ATG16L2: variants seen among roughly 807,000 people sequenced by gnomAD.
The protein encoded by ATG16L2 is autophagy related 16 like 2, also known as protein Atg16l2.
A neutral mutation model predicts 84.7 loss-of-function variants in ATG16L2; 77 were observed. That is an observed-to-expected ratio of 0.91 (90% CI 0.76 to 1.10). ATG16L2 has a LOEUF of 1.10. Among genes scored for constraint, ATG16L2 ranks in the 50% least tolerant of loss-of-function variants. The pLI, the probability that ATG16L2 is intolerant of heterozygous loss-of-function variation, is 0.00. For missense variants in ATG16L2, 782 were observed against 817.6 expected (o/e 0.96, Z 0.53); for synonymous variants, 361 against 342.8 (o/e 1.05, Z -0.59).
intron 2 of ATG16L2, among the ~76,000 whole-genome samples, 161 bp downstream of exon 2, chr11:72,816,988 A>G (rs1247350119): frequency 6.6e-6 from 1 of 152,088 alleles, no homozygotes; most frequent in Non-Finnish European, 1.5e-5. Context: ...TGGGGGAGGC[A>G]GGCCCTTGGC....
Position 72,826,559 on chromosome 11 carries a change from G to A in ATG16L2, c.1215G>A (p.Gln405=), listed in dbSNP as rs772451381. The part of the protein sequence containing the change: ...VLAATYNQAA[Q]LWKVGEAQSK... ...CAGCAACTTACAACCAGGCTGCCCAGCTCTGGAAGGTGGGGGAGGCACAGT... is the reference window on the plus strand; with the variant it reads ...CAGCAACTTACAACCAGGCTGCCCAACTCTGGAAGGTGGGGGAGGCACAGT... Residue 405 remains glutamine (Q), a synonymous_variant, in exon 12 of 18, where the codon CAG becomes CAA. Transcript: ENST00000321297. The A allele has an allele frequency of 6.2e-7, 1 of 1,614,178 alleles. No homozygotes were observed. Among genetic ancestry groups the A allele is most frequent in the South Asian group, 1.1e-5 (1 of 91,076 alleles).
At chr11:72,815,262 G>T (rs1283646326) in intron 1 of ATG16L2, among the ~76,000 whole-genome samples, 2 of 152,236 alleles carry the variant, frequency 1.3e-5, no homozygotes, top group African/African-American at 4.8e-5. Context: ...GCCTGCGATT[G>T]TATGTCTGTG....
chr11:72,819,213 C>T (rs1487564547), intron 3 of ATG16L2, among the ~76,000 whole-genome samples: 1 of 152,254 alleles, frequency 6.6e-6, no homozygotes, highest in East Asian at 1.9e-4. Context: ...TGCAGGGGCA[C>T]CTCTGACTCT....
downstream of ATG16L2, among the ~76,000 whole-genome samples, chr11:72,833,000 C>T (rs555503496): frequency 2.6e-5 from 4 of 152,322 alleles, no homozygotes; most frequent in Admixed American, 2.6e-4. Context: ...ATGGCCTCTG[C>T]CTGCCCTGCC....
At chr11:72,842,640 G>A (rs1860998859) in exon 6 of ATG16L2, 1 of 1,613,870 alleles carries the variant, frequency 6.2e-7, no homozygotes, top group Admixed American at 1.7e-5. Flanking sequence ...TCTCATCCAT[G>A]GAGTGTCACC....
chr11:72,822,078 C>T lies in ATG16L2; in HGVS notation c.427C>T (p.Arg143Ter). The T allele has an allele frequency of 6.6e-7, 1 of 1,522,412 alleles. No homozygotes were observed. Among genetic ancestry groups the T allele is most frequent in the Non-Finnish European group, 8.7e-7 (1 of 1,149,428 alleles). 94.3% of individuals were successfully genotyped at this position (1,522,412 alleles called of 1,614,324 possible). The change falls in exon 5 of 18, where the codon CGA (arginine) becomes TGA (stop). Residue 143 changes from arginine (R) to a stop codon, truncating the protein, a stop_gained. Transcript: ENST00000321297. LOFTEE classifies it high-confidence loss of function. This position sits in a 1 kb window ranked among gnomAD's most constrained non-coding sequence, Gnocchi z 4.2. ...AALEARVAQL[R>*]EARAQQAQQV... ...CCTGGAGGCCCGCGTGGCGCAGCTGCGAGAGGCGCGGGCGCAGCAGGCCCA... is the reference window on the plus strand; with the variant it reads ...CCTGGAGGCCCGCGTGGCGCAGCTGTGAGAGGCGCGGGCGCAGCAGGCCCA...
chr11:72,843,007 C>T, exon 6 of ATG16L2: 1 of 915,074 alleles, frequency 1.1e-6, no homozygotes. Context: ...TTCTACTGTG[C>T]AGGACAAACG....
exon 6 of ATG16L2, chr11:72,843,225 T>G: frequency 1.2e-6 from 2 of 1,613,928 alleles, no homozygotes; most frequent in Non-Finnish European, 1.7e-6. Context: ...TGACCGACTG[T>G]CCAAAGCGGC....
chr11:72,814,488 A>G lies in ATG16L2; in HGVS notation c.43A>G (p.Lys15Glu), dbSNP rs942206610. 4 of 1,534,488 alleles carry G rather than the reference A, an allele frequency of 2.6e-6. No individual in the cohort carries two copies. The highest frequency in any genetic ancestry group is 3.5e-6 in the Non-Finnish European group (4 of 1,138,048). The change falls in exon 1 of 18, where the codon AAA becomes GAA. Residue 15 changes from lysine (K) to glutamate (E), a missense_variant. Transcript: ENST00000321297. ...CCCCGGTGCCCCCGCAGCGCGCTGGAAACGCCACATCGTGCGGCAGCTGCG... is the reference window on the plus strand; with the variant it reads ...CCCCGGTGCCCCCGCAGCGCGCTGGGAACGCCACATCGTGCGGCAGCTGCG... The part of the protein sequence containing the change: ...GVPGAPAARW[K>E]RHIVRQLRLR...
intron 1 of ATG16L2, among the ~76,000 whole-genome samples, chr11:72,815,054 C>T (rs1424674706): frequency 5.9e-5 from 9 of 152,256 alleles, no homozygotes; most frequent in Non-Finnish European, 1.3e-4. Flanking sequence ...ACAGGCGACG[C>T]TGGCACAGGC....
chr11:72,826,387 C>T, intron 11 of ATG16L2, 131 bp from the exon 12 acceptor site: 1 of 1,428,812 alleles, frequency 7.0e-7, no homozygotes, highest in Non-Finnish European at 9.6e-7. Flanking sequence ...CCTCCTTGGG[C>T]CGGAGGCTCC....
intron 12 of ATG16L2, 47 bp from the exon 13 acceptor site, chr11:72,826,656 T>C (rs1591311729): frequency 2.5e-6 from 4 of 1,614,050 alleles, no homozygotes; most frequent in Non-Finnish European, 3.4e-6. Flanking sequence ...GGGCCTGTTA[T>C]GGGGTCTTGG....
In ATG16L2 at chr11:72,838,753, G is replaced by A. The variant is rs1238029156; in HGVS notation, c.*22-3864G>A. On this transcript the variant is annotated intron_variant, in intron 5 of 5. Coordinates refer to the ATG16L2 transcript ENST00000534905. Reference sequence around the variant, plus strand: ...CAAGACTGGCCAAACTCCAAGCCTGGCCTTGATTGTAGCAGTAATGGATGG... The same window carrying A: ...CAAGACTGGCCAAACTCCAAGCCTGACCTTGATTGTAGCAGTAATGGATGG... The A allele has an allele frequency of 2.0e-6, 3 of 1,532,764 alleles. No individual in the cohort carries two copies. In the Admixed American group the frequency reaches 5.7e-5, roughly 29 times the overall value. The allele number at this position is 1,532,764 out of a possible 1,614,324, so 94.9% of individuals were successfully genotyped here. A position where few individuals can be genotyped will look rare whatever the true frequency, so the allele number is the denominator to read the frequency against.
chr11:72,832,943 A>G (rs920633464), downstream of ATG16L2, among the ~76,000 whole-genome samples: 4 of 152,186 alleles, frequency 2.6e-5, no homozygotes, highest in African/African-American at 4.8e-5. Flanking sequence ...AGCCTCCCCA[A>G]AAGTGACATG....
rs748755241 is a variant in ATG16L2 at position 72,828,366 on chromosome 11, C to T, written c.1480C>T (p.His494Tyr). 1.2e-6 allele frequency: 2 copies of T among 1,614,072 alleles called. No individual in the cohort carries two copies. The highest frequency in any genetic ancestry group is 1.7e-6 in the Non-Finnish European group (2 of 1,179,966). ...KIRFWDSRGP[H>Y]CTQVIPVQGR... ...TCTGTCCTTGTTCCTCAGGGGGCCC[C>T]ACTGCACCCAGGTCATCCCTGTGCA... The change falls in exon 15 of 18, where the codon CAC (histidine) becomes TAC (tyrosine). Residue 494 changes from histidine to tyrosine, a missense_variant. His to Tyr is a moderately conservative substitution (Grantham distance 83). Coordinates refer to ENST00000321297, the MANE Select transcript of ATG16L2 (RefSeq NM_033388.2).
chr11:72,825,659 G>A (rs1396728815), intron 10 of ATG16L2, among the ~76,000 whole-genome samples: 1 of 152,184 alleles, frequency 6.6e-6, no homozygotes, highest in South Asian at 2.1e-4. Flanking sequence ...GTCCCTGATG[G>A]GGATTGGTGG....
chr11:72,826,599 G>A lies in ATG16L2; in HGVS notation c.1245+10G>A, dbSNP rs1860371309. The A allele has an allele frequency of 3.7e-6, 6 of 1,614,158 alleles. No individual in the cohort carries two copies. In the East Asian group the frequency reaches 1.3e-4, roughly 36 times the overall value. ...GGAGGCACAGTCCAAGGTGAGGCCT[G>A]ACTGGGGAGGCTGCCTGGAGGTCAG... On this transcript the variant is annotated intron_variant, in intron 12 of 17. Transcript: ENST00000321297.
Position 72,822,378 on chromosome 11 carries a change from AG to A in ATG16L2, c.644+89del, listed in dbSNP as rs748364499. 1.3e-5 allele frequency: 21 copies of A among 1,580,260 alleles called. No homozygotes were observed. The highest frequency in any genetic ancestry group is 1.7e-5 in the Non-Finnish European group (20 of 1,163,668). ...CGGGCCTCGCCGGTGTCTGGAAGGG[AG>A]GGGGGCAGCAGCCGCCCCCTGGAGG... On this transcript the variant is annotated intron_variant, in intron 5 of 17. Coordinates refer to ENST00000321297, the MANE Select transcript of ATG16L2 (RefSeq NM_033388.2). This position sits in a 1 kb window ranked among gnomAD's most constrained non-coding sequence, Gnocchi z 4.2.
chr11:72,839,270 A>C (rs1217474927), intron 5 of ATG16L2, among the ~76,000 whole-genome samples: 1 of 152,242 alleles, frequency 6.6e-6, no homozygotes, highest in African/African-American at 2.4e-5. Flanking sequence ...TAAGTTGTGA[A>C]GGGCCTTGTT....
Sources: allele counts gnomAD v4.1 joint callset (sites outside exome capture counted in the v4.1 genomes callset), GRCh38; gene constraint gnomAD v4.1.1; non-coding constraint Gnocchi (gnomAD v3.1); transcripts MANE v1.5; gene names NCBI Gene and HGNC (gene_info 2026-07-23, HGNC 2026-07-21).